ANK1: variants seen among roughly 807,000 people sequenced by gnomAD.
ANK1 encodes the protein ankyrin-1.
A neutral mutation model predicts 210.4 loss-of-function variants in ANK1; 51 were observed. That is an observed-to-expected ratio of 0.24 (90% CI 0.19 to 0.31). The LOEUF (loss-of-function observed/expected upper bound fraction) is 0.31, where lower values mean the gene tolerates loss of function less well. ANK1 is among the 10% of genes least tolerant of loss of function. The probability of loss-of-function intolerance (pLI) is 1.00; values close to 1 mark genes in which losing one functional copy is unlikely to be tolerated. For synonymous variants in ANK1, 967 were observed against 1,025.9 expected, an observed-to-expected ratio of 0.94 and a Z score of 1.10; for missense variants, 2,051 against 2,504.4, an observed-to-expected ratio of 0.82 and a Z score of 3.86.
At chr8:41,727,845 G>A (rs1418349053) in intron 4 of ANK1, 63 bp downstream of exon 4, 6 of 1,512,818 alleles carry the variant, frequency 4.0e-6, no homozygotes, top group Non-Finnish European at 5.5e-6. Context: ...CCACGAGGGA[G>A]CAGCAAAGAG....
At chr8:41,791,197 T>G (rs1415298751) in intron 1 of ANK1, among the ~76,000 whole-genome samples, 66 of 78,430 alleles carry the variant, frequency 8.4e-4, no homozygotes, top group African/African-American at 3.9e-3. Context: ...TAACTTTGTT[T>G]TTTTTTTTTT....
chr8:41,748,617 C>T (rs1479828031), intron 2 of ANK1, among the ~76,000 whole-genome samples: 1 of 152,210 alleles, frequency 6.6e-6, no homozygotes, highest in East Asian at 1.9e-4. Flanking sequence ...TCCTTCACAA[C>T]CTTTCTCTGA....
At chr8:41,839,226 G>T (rs568781717) in intron 1 of ANK1, among the ~76,000 whole-genome samples, 5 of 152,228 alleles carry the variant, frequency 3.3e-5, no homozygotes, top group Non-Finnish European at 7.3e-5. Context: ...AATGATGGGA[G>T]CTAGGTAGAT....
intron 1 of ANK1, among the ~76,000 whole-genome samples, chr8:41,759,720 C>A (rs774927194): frequency 6.6e-6 from 1 of 152,160 alleles, no homozygotes; most frequent in Non-Finnish European, 1.5e-5. Context: ...GTTCTGGAAC[C>A]AATCCCCCAC....
intron 9 of ANK1, among the ~76,000 whole-genome samples, chr8:41,722,205 G>T (rs1829447505): frequency 6.6e-6 from 1 of 152,164 alleles, no homozygotes; most frequent in Non-Finnish European, 1.5e-5. Context: ...AAGGATGGAG[G>T]GCTAAATGAG....
At chr8:41,880,694 G>A (rs185098695) in intron 1 of ANK1, among the ~76,000 whole-genome samples, 1 of 152,376 alleles carries the variant, frequency 6.6e-6, no homozygotes, top group Admixed American at 6.5e-5. Context: ...CTGGGACGAG[G>A]AGCAGTTTGG....
chr8:41,880,645 T>C (rs1032942619), intron 1 of ANK1, among the ~76,000 whole-genome samples: 5 of 152,224 alleles, frequency 3.3e-5, no homozygotes, highest in African/African-American at 1.2e-4. Flanking sequence ...CGCAAACACC[T>C]GAGCTGCGCG....
intron 1 of ANK1, among the ~76,000 whole-genome samples, chr8:41,791,042 C>T: frequency 6.6e-6 from 1 of 152,140 alleles, no homozygotes; most frequent in East Asian, 1.9e-4. Context: ...CACCAGGTGG[C>T]TGCACAAGCC....
chr8:41,856,707 T>C, intron 1 of ANK1, among the ~76,000 whole-genome samples: 1 of 152,140 alleles, frequency 6.6e-6, no homozygotes. Flanking sequence ...TTTCAGATTT[T>C]GGAACTTGGG....
chr8:41,750,592 A>G (rs549708043), intron 2 of ANK1, among the ~76,000 whole-genome samples: 14 of 152,084 alleles, frequency 9.2e-5, no homozygotes, highest in African/African-American at 2.9e-4. Context: ...CAGTCTGTCA[A>G]CTGGGTTTAT....
chr8:41,746,551 A>G (rs1161427195), intron 2 of ANK1, among the ~76,000 whole-genome samples: 1 of 152,206 alleles, frequency 6.6e-6, no homozygotes, highest in Non-Finnish European at 1.5e-5. Context: ...CATGAGGAGG[A>G]AAAACACTCT....
intron 1 of ANK1, among the ~76,000 whole-genome samples, chr8:41,767,272 G>GGCCCCGGCCCCGGCCCCGATCCCCGC (rs995784486): frequency 1.3e-5 from 2 of 151,682 alleles, no homozygotes; most frequent in Non-Finnish European, 2.9e-5. Flanking sequence ...GCAGAGCCCC[G>GGCCCCGGCCCCGGCCCCGATCCCCGC]GCCCCGGCCC....
intron 14 of ANK1, among the ~76,000 whole-genome samples, chr8:41,715,443 G>A (rs377613031): frequency 5.3e-5 from 8 of 152,272 alleles, no homozygotes; most frequent in African/African-American, 1.9e-4. Flanking sequence ...GGCTGGGTGT[G>A]TGAGAAGCTG....
chr8:41,674,164 T>C (rs534218619), intron 37 of ANK1, among the ~76,000 whole-genome samples: 1 of 152,150 alleles, frequency 6.6e-6, no homozygotes, highest in Admixed American at 6.6e-5. Flanking sequence ...CCTCAGCTCC[T>C]GATCACCTGC....
At chr8:41,709,267 G>C (rs1445394686) in intron 16 of ANK1, among the ~76,000 whole-genome samples, 1 of 152,232 alleles carries the variant, frequency 6.6e-6, no homozygotes, top group East Asian at 1.9e-4. Flanking sequence ...GGCTGGGTAA[G>C]GAAATGAAAG....
rs560815501 is a variant in ANK1 at position 41,753,865 on chromosome 8, C to T, written c.129+4171G>A. 1.2e-4 allele frequency among the ~76,000 whole-genome samples: 19 copies of T among 152,324 alleles called. No homozygotes were observed. In the South Asian group the frequency reaches 3.3e-3, roughly 27 times the overall value. On this transcript the variant is annotated intron_variant, in intron 2 of 42. Transcript: ENST00000289734. ...TGCACCCACTCTGGCCTTCCTTCAA[C>T]CCTCTGCTCCTTTCTCTGCCTCTGG...
rs371559087 is a variant in ANK1, at chr8:41,684,699, G to T, written c.4391-9C>A. 6.2e-7 allele frequency: 1 copy of T among 1,613,208 alleles called. No individual in the cohort carries two copies. The highest frequency in any genetic ancestry group is 1.1e-5 in the South Asian group (1 of 91,066). On this transcript the variant is annotated splice_polypyrimidine_tract_variant and intron_variant, in intron 36 of 42. Coordinates refer to ENST00000289734, the MANE Select transcript of ANK1 (RefSeq NM_000037.4). ...TGTGTACAGATTCTCCACTGTGGGC[G>T]CAGAAGAGAGATGCACGTTACTCCA... is the stretch of plus-strand genomic sequence containing the variant.
At chr8:41,725,025 A>G (rs1830314260) in intron 6 of ANK1, among the ~76,000 whole-genome samples, 1 of 152,118 alleles carries the variant, frequency 6.6e-6, no homozygotes, top group Non-Finnish European at 1.5e-5. Flanking sequence ...ATGCCCAGCT[A>G]ATTTTAAAAA....
intron 2 of ANK1, among the ~76,000 whole-genome samples, chr8:41,736,841 G>A (rs1298217159): frequency 6.6e-6 from 1 of 152,176 alleles, no homozygotes; most frequent in Non-Finnish European, 1.5e-5. Context: ...AGGGATATTA[G>A]AGGTCCCTGA....
Sources: allele counts gnomAD v4.1 joint callset (sites outside exome capture counted in the v4.1 genomes callset), GRCh38; gene constraint gnomAD v4.1.1; transcripts MANE v1.5; gene names NCBI Gene and HGNC (gene_info 2026-07-23, HGNC 2026-07-21).